Variants in KIAA0513 observed in about 807,000 individuals in gnomAD.
KIAA0513 encodes uncharacterized protein KIAA0513.
KIAA0513 carries 39 observed loss-of-function variants against 56.5 expected under a neutral mutation model. The observed-to-expected ratio is 0.69, with a 90% CI of 0.53 to 0.90. The LOEUF (loss-of-function observed/expected upper bound fraction) is 0.90, where lower values mean the gene tolerates loss of function less well. Ranked by LOEUF, KIAA0513 falls within the 40% of genes least tolerant of loss-of-function variation. The probability of loss-of-function intolerance (pLI) is 0.00; values close to 1 mark genes in which losing one functional copy is unlikely to be tolerated. For missense variants in KIAA0513, 591 were observed against 535.2 expected, an observed-to-expected ratio of 1.10 and a Z score of -1.03; for synonymous variants, 268 against 215.6, an observed-to-expected ratio of 1.24 and a Z score of -2.13.
intron 1 of KIAA0513, among the ~76,000 whole-genome samples, chr16:85,058,423 G>A (rs1050186031): frequency 3.9e-5 from 6 of 152,204 alleles, no homozygotes; most frequent in African/African-American, 1.4e-4. Flanking sequence ...GGAGGCCGAA[G>A]CAGGTGGATC....
chr16:85,080,998 C>T (rs1040234340), intron 8 of KIAA0513, among the ~76,000 whole-genome samples: 1 of 152,164 alleles, frequency 6.6e-6, no homozygotes, highest in Non-Finnish European at 1.5e-5. Flanking sequence ...GACCCACCTC[C>T]GTGTCCTACA....
At chr16:85,030,463 C>G (rs887209979) in intron 1 of KIAA0513, among the ~76,000 whole-genome samples, 5 of 152,072 alleles carry the variant, frequency 3.3e-5, no homozygotes, top group African/African-American at 1.2e-4. Context: ...AGCCATAGGG[C>G]TGGGCGCGGT....
At position 85,078,422 on chromosome 16, in the gene KIAA0513, G is replaced by C. The variant is rs760211220; in HGVS notation, c.790G>C (p.Glu264Gln). The C allele has an allele frequency of 2.5e-6, 4 of 1,613,892 alleles. No homozygotes were observed. The Admixed American group carries it at 6.7e-5, about 27-fold the overall frequency. ...GTGCCTTCTCTCCCTCAGGGAAGACGAGAACAAACCCCAGGAGAAGCGGCC... is the reference window on the plus strand; with the variant it reads ...GTGCCTTCTCTCCCTCAGGGAAGACCAGAACAAACCCCAGGAGAAGCGGCC... ...GPLARRNEED[E>Q]NKPQEKRPRA... The change falls in exon 7 of 13, where the codon GAG becomes CAG. Residue 264 changes from glutamate (E) to glutamine (Q), a missense_variant. Physicochemically the swap from Glu to Gln is conservative, Grantham distance 29. Coordinates refer to ENST00000683363, the MANE Select transcript of KIAA0513 (RefSeq NM_001388359.1).
At chr16:85,037,831 G>GTCCTCTCTCCC (rs1157099190) in intron 1 of KIAA0513, among the ~76,000 whole-genome samples, 1 of 152,086 alleles carries the variant, frequency 6.6e-6, no homozygotes, top group African/African-American at 2.4e-5. Flanking sequence ...CATCTCTCAC[G>GTCCTCTCTCCC]TCCTCTCTCC....
At chr16:85,056,098 C>G (rs1046455009) in intron 1 of KIAA0513, among the ~76,000 whole-genome samples, 1 of 152,260 alleles carries the variant, frequency 6.6e-6, no homozygotes, top group African/African-American at 2.4e-5. Context: ...CCAGCAGTTT[C>G]TCCTGTCCAT....
Position 85,092,593 on chromosome 16 carries a change from T to C in KIAA0513, c.*4268T>C, listed in dbSNP as rs565361195. The stretch of plus-strand genomic sequence containing the variant: ...AAGGTCGTTCTCACTCCTTTTCCTG[T>C]CCCGTTTCCAGTCCCACTGAGCCAT... On this transcript the variant is annotated 3_prime_UTR_variant, in exon 13 of 13. Coordinates refer to ENST00000683363, the MANE Select transcript of KIAA0513 (RefSeq NM_001388359.1). 1 of 152,360 alleles carries C rather than the reference T, an allele frequency of 6.6e-6. No individual in the cohort carries two copies. Among genetic ancestry groups the C allele is most frequent in the South Asian group, 2.1e-4 (1 of 4,826 alleles). The allele number at this position is 152,360 out of a possible 1,614,324, so 9.4% of individuals were successfully genotyped here.
In KIAA0513 at chr16:85,076,541, T is replaced by G. The variant is rs1016935639; in HGVS notation, c.574+627T>G. Among the ~76,000 whole-genome samples, 2 of 152,184 alleles carry G rather than the reference T, an allele frequency of 1.3e-5. No individual in the cohort carries two copies. The highest frequency in any genetic ancestry group is 2.9e-5 in the Non-Finnish European group (2 of 68,008). On this transcript the variant is annotated intron_variant, in intron 5 of 12. Coordinates refer to ENST00000683363, the MANE Select transcript of KIAA0513 (RefSeq NM_001388359.1). The surrounding 1 kb of genome is among the most constrained non-coding windows in gnomAD (Gnocchi z 4.7). ...TGGGAGGTTGCTGGAAGCCTCCTCG[T>G]GGACTGGAGCTAGGTCAGGGAGGTG...
intron 1 of KIAA0513, among the ~76,000 whole-genome samples, chr16:85,046,477 C>G (rs2073172867): frequency 1.3e-5 from 2 of 152,226 alleles, no homozygotes; most frequent in South Asian, 2.1e-4. Flanking sequence ...GGCCCGTCTG[C>G]TCTGCCTTCG....
chr16:85,045,451 GT>G (rs1362360464), intron 1 of KIAA0513, among the ~76,000 whole-genome samples: 1 of 152,138 alleles, frequency 6.6e-6, no homozygotes, highest in Non-Finnish European at 1.5e-5. Flanking sequence ...CGCCTCCCAG[GT>G]TCAAGTGATT....
intron 1 of KIAA0513, among the ~76,000 whole-genome samples, chr16:85,062,496 C>A (rs1452762024): frequency 1.3e-5 from 2 of 152,194 alleles, no homozygotes; most frequent in African/African-American, 2.4e-5. Context: ...TTCCTATCTG[C>A]GGTGACACAG....
intron 8 of KIAA0513, 84 bp downstream of exon 8, chr16:85,079,087 G>A: frequency 6.2e-7 from 1 of 1,603,682 alleles, no homozygotes; most frequent in Non-Finnish European, 8.5e-7. Context: ...AGCTGCCTTT[G>A]TCCCCATCAG....
intron 1 of KIAA0513, among the ~76,000 whole-genome samples, chr16:85,065,669 G>A (rs1007989219): frequency 2.6e-5 from 4 of 152,214 alleles, no homozygotes; most frequent in Non-Finnish European, 4.4e-5. Flanking sequence ...CAGTTTCACA[G>A]CCACCTCACT....
At chr16:85,060,911 T>G (rs1387666025) in intron 1 of KIAA0513, among the ~76,000 whole-genome samples, 3 of 151,504 alleles carry the variant, frequency 2.0e-5, no homozygotes, top group African/African-American at 7.3e-5. Context: ...CCTAGCACTT[T>G]GGGAGTCAGA....
At chr16:85,064,745 G>T (rs912397342) in intron 1 of KIAA0513, among the ~76,000 whole-genome samples, 2 of 152,082 alleles carry the variant, frequency 1.3e-5, no homozygotes, top group Non-Finnish European at 2.9e-5. Context: ...GAGTGCAATG[G>T]CACCATCTCG....
intron 9 of KIAA0513, 32 bp from the exon 10 acceptor site, chr16:85,082,532 C>G: frequency 6.2e-7 from 1 of 1,612,762 alleles, no homozygotes; most frequent in Non-Finnish European, 8.5e-7. Flanking sequence ...TTGACATGTT[C>G]CTTTGTTTAC....
intron 1 of KIAA0513, among the ~76,000 whole-genome samples, chr16:85,029,817 GT>G (rs2143819667): frequency 6.6e-6 from 1 of 152,324 alleles, no homozygotes; most frequent in African/African-American, 2.4e-5. Context: ...CTTCCCAAGG[GT>G]TTTCCCATGC....
intron 4 of KIAA0513, 82 bp downstream of exon 4, chr16:85,073,080 T>A: frequency 8.5e-7 from 1 of 1,176,690 alleles, no homozygotes; most frequent in Non-Finnish European, 1.3e-6. Context: ...AGCCGTGTCA[T>A]AACCCAGCTG....
rs985307877 is a variant in KIAA0513, at chr16:85,076,578, TC to T, written c.574+669del. On this transcript the variant is annotated intron_variant, in intron 5 of 12. Coordinates refer to ENST00000683363, the MANE Select transcript of KIAA0513 (RefSeq NM_001388359.1). The surrounding 1 kb of genome is among the most constrained non-coding windows in gnomAD (Gnocchi z 4.7). ...AGGTCAGGGAGGTGCTAGGCCCTGGTCCCCCGTGCTTTCCTCTCTCGGGACC... is the reference window on the plus strand; with the variant it reads ...AGGTCAGGGAGGTGCTAGGCCCTGGTCCCCGTGCTTTCCTCTCTCGGGACC... 1.3e-4 allele frequency among the ~76,000 whole-genome samples: 20 copies of T among 152,142 alleles called. No individual in the cohort carries two copies. Among genetic ancestry groups the T allele is most frequent in the Middle Eastern group, 3.4e-3 (1 of 294 alleles).
At chr16:85,050,364 T>G (rs1308710226) in intron 1 of KIAA0513, among the ~76,000 whole-genome samples, 1 of 147,512 alleles carries the variant, frequency 6.8e-6, no homozygotes, top group Non-Finnish European at 1.5e-5. Context: ...TATTTATTTT[T>G]TTTGAGACGG....
Sources: gnomAD v4.1 joint callset for allele counts (sites outside exome capture counted in the v4.1 genomes callset) on GRCh38, gnomAD v4.1.1 for gene constraint, Gnocchi (gnomAD v3.1) non-coding constraint, MANE v1.5 for transcripts, NCBI Gene and HGNC (gene_info 2026-07-23, HGNC 2026-07-21) for gene names.